CDH13: variants seen among roughly 807,000 people sequenced by gnomAD.
The protein encoded by CDH13 is cadherin 13.
In CDH13, 24 loss-of-function variants were observed where a neutral mutation model predicts 63.8. The ratio of observed to expected loss-of-function variants is 0.38; its 90% CI spans 0.27 to 0.53. The LOEUF (loss-of-function observed/expected upper bound fraction) is 0.53. Among genes scored for constraint, CDH13 ranks in the 20% least tolerant of loss-of-function variants. The pLI, the probability that CDH13 is intolerant of heterozygous loss-of-function variation, is 0.85. For missense variants in CDH13, 1,049 were observed against 903.1 expected, an observed-to-expected ratio of 1.16 and a Z score of -2.07; for synonymous variants, 503 against 355.3, an observed-to-expected ratio of 1.42 and a Z score of -4.67.
intron 5 of CDH13, 144 bp from the exon 6 acceptor site, chr16:83,344,718 G>A (rs2090800377): frequency 1.4e-6 from 1 of 723,488 alleles, no homozygotes; most frequent in Admixed American, 2.6e-5. Flanking sequence ...TCTAGTCCCA[G>A]TGACTATCCT....
chr16:82,635,545 G>T (rs918617583), intron 1 of CDH13, among the ~76,000 whole-genome samples: 9 of 152,210 alleles, frequency 5.9e-5, no homozygotes, highest in African/African-American at 1.9e-4. Context: ...GCCATTGAGG[G>T]TACTGAGGGA....
intron 5 of CDH13, among the ~76,000 whole-genome samples, chr16:83,260,525 G>C (rs1906861463): frequency 6.6e-6 from 1 of 152,148 alleles, no homozygotes; most frequent in South Asian, 2.1e-4. Flanking sequence ...AGTCTTCGAG[G>C]GAGTGCTGGA....
At chr16:82,920,809 A>T (rs866302941) in intron 2 of CDH13, among the ~76,000 whole-genome samples, 1 of 152,226 alleles carries the variant, frequency 6.6e-6, no homozygotes, top group African/African-American at 2.4e-5. Context: ...TCTGATGTTA[A>T]GTGGAAAGTA....
At chr16:82,829,244 T>A (rs1031890244) in intron 1 of CDH13, 1 of 152,200 alleles carries the variant, frequency 6.6e-6, no homozygotes, top group African/African-American at 2.4e-5. Context: ...TTTCTTTTTA[T>A]CCCCTCTCCT....
At chr16:83,103,088 G>T (rs1347482061) in intron 3 of CDH13, among the ~76,000 whole-genome samples, 2 of 150,734 alleles carry the variant, frequency 1.3e-5, no homozygotes, top group Non-Finnish European at 3.0e-5. Flanking sequence ...AAGTAGCTGG[G>T]ATTACAGGAG....
intron 6 of CDH13, among the ~76,000 whole-genome samples, chr16:83,484,422 G>A (rs2073840925): frequency 1.3e-5 from 2 of 152,212 alleles, no homozygotes; most frequent in Admixed American, 1.3e-4. Context: ...ATTTGTAGAA[G>A]ACTATATTGG....
At chr16:83,298,475 A>C (rs992346968) in intron 5 of CDH13, among the ~76,000 whole-genome samples, 1 of 152,198 alleles carries the variant, frequency 6.6e-6, no homozygotes, top group African/African-American at 2.4e-5. Context: ...TCAAGCCTGC[A>C]AAAATAATCT....
At chr16:83,191,470 T>TAG (rs2038700426) in intron 4 of CDH13, among the ~76,000 whole-genome samples, 2 of 109,552 alleles carry the variant, frequency 1.8e-5, no homozygotes, top group Non-Finnish European at 4.0e-5. Flanking sequence ...TATATATATA[T>TAG]ATATATATAT....
At chr16:83,554,589 G>C (rs2075567470) in intron 7 of CDH13, among the ~76,000 whole-genome samples, 1 of 152,002 alleles carries the variant, frequency 6.6e-6, no homozygotes, top group Admixed American at 6.6e-5. Context: ...ATGAAGAGGG[G>C]AGTCTCACAC....
chr16:83,761,867 T>C (rs76674644), intron 11 of CDH13, among the ~76,000 whole-genome samples: 1 of 151,962 alleles, frequency 6.6e-6, no homozygotes, highest in Admixed American at 6.6e-5. Context: ...AGTAGTTCGA[T>C]ACCAGCCAGG....
intron 10 of CDH13, among the ~76,000 whole-genome samples, chr16:83,694,410 G>T (rs1905183791): frequency 1.3e-5 from 2 of 152,194 alleles, no homozygotes; most frequent in South Asian, 4.1e-4. Context: ...GAGGGGTTGG[G>T]ATGCTATGAG....
intron 1 of CDH13, among the ~76,000 whole-genome samples, chr16:82,731,253 C>G (rs2033389098): frequency 6.6e-6 from 1 of 152,138 alleles, no homozygotes; most frequent in Non-Finnish European, 1.5e-5. Flanking sequence ...GTTGCAATTA[C>G]TCAACCCTGC....
chr16:83,664,076 G>C (rs1193137828), intron 8 of CDH13, among the ~76,000 whole-genome samples: 2 of 151,876 alleles, frequency 1.3e-5, no homozygotes, highest in African/African-American at 4.8e-5. Context: ...AGGATCACTT[G>C]AGCCTAAGAA....
At chr16:82,775,427 C>T (rs776703717) in intron 1 of CDH13, among the ~76,000 whole-genome samples, 2 of 152,278 alleles carry the variant, frequency 1.3e-5, no homozygotes, top group South Asian at 2.1e-4. Context: ...TTTTCTCTTA[C>T]GTAAAATGGT....
intron 13 of CDH13, among the ~76,000 whole-genome samples, chr16:83,786,614 G>A (rs1842826773): frequency 6.7e-6 from 1 of 149,652 alleles, no homozygotes; most frequent in South Asian, 2.1e-4. Context: ...TTGAGACAGA[G>A]TCTCACTCTG....
intron 3 of CDH13, among the ~76,000 whole-genome samples, chr16:83,053,602 A>T (rs1284285010): frequency 1.3e-5 from 2 of 152,230 alleles, no homozygotes; most frequent in Non-Finnish European, 2.9e-5. Context: ...ATGGAAGGGT[A>T]CAGAAAAATA....
chr16:82,955,745 C>T (rs1597289041), intron 2 of CDH13, among the ~76,000 whole-genome samples: 1 of 152,174 alleles, frequency 6.6e-6, no homozygotes, highest in African/African-American at 2.4e-5. Context: ...TGCTGGGATT[C>T]TCTTCATTGC....
At chr16:82,694,724 G>T (rs1055888884) in intron 1 of CDH13, among the ~76,000 whole-genome samples, 3 of 152,134 alleles carry the variant, frequency 2.0e-5, no homozygotes, top group Non-Finnish European at 4.4e-5. Flanking sequence ...CCACCAGTAT[G>T]ATTCACCCAA....
intron 10 of CDH13, among the ~76,000 whole-genome samples, chr16:83,741,025 C>A (rs1433416936): frequency 3.9e-5 from 6 of 152,224 alleles, no homozygotes; most frequent in African/African-American, 1.4e-4. Context: ...GCAGTCCTTT[C>A]TGTTTACTGA....
Sources: allele counts gnomAD v4.1 joint callset (sites outside exome capture counted in the v4.1 genomes callset), GRCh38; gene constraint gnomAD v4.1.1; transcripts MANE v1.5; gene names NCBI Gene and HGNC (gene_info 2026-07-23, HGNC 2026-07-21).